HGD: variants seen among roughly 807,000 people sequenced by gnomAD.
HGD encodes the protein homogentisate 1,2-dioxygenase, also known as homogentisate oxidase.
Under a neutral mutation model 60.8 loss-of-function variants are expected in HGD, and 61 were observed. That is an observed-to-expected ratio of 1.00 (90% CI 0.82 to 1.24). The LOEUF (loss-of-function observed/expected upper bound fraction) is 1.24, where lower values mean the gene tolerates loss of function less well. HGD is among the 50% of genes most tolerant of loss of function. HGD has a pLI of 0.00. For missense variants in HGD, 542 were observed against 547.1 expected (o/e 0.99, Z 0.09); for synonymous variants, 212 against 187.7 (o/e 1.13, Z -1.06).
intron 4 of HGD, among the ~76,000 whole-genome samples, chr3:120,660,029 C>T (rs994119128): frequency 6.6e-6 from 1 of 152,104 alleles, no homozygotes; most frequent in Non-Finnish European, 1.5e-5. Flanking sequence ...AGTGAGTTCT[C>T]ATGAGATCTG....
chr3:120,642,972 C>T (rs557596671), intron 10 of HGD, among the ~76,000 whole-genome samples: 2 of 152,302 alleles, frequency 1.3e-5, no homozygotes, highest in African/African-American at 4.8e-5. Context: ...AAAGTGCAAA[C>T]CTTTCGGAGG....
chr3:120,645,123 G>A (rs1941119573), intron 9 of HGD, among the ~76,000 whole-genome samples: 3 of 152,126 alleles, frequency 2.0e-5, no homozygotes, highest in Admixed American at 2.0e-4. Flanking sequence ...CCAGCTCCTG[G>A]ACTTAAAAAA....
intron 1 of HGD, among the ~76,000 whole-genome samples, chr3:120,680,462 A>T (rs1483998037): frequency 6.6e-6 from 1 of 152,230 alleles, no homozygotes; most frequent in Non-Finnish European, 1.5e-5. Context: ...ATTTACATTG[A>T]TGTCCTGGTG....
chr3:120,674,972 G>A lies in HGD; in HGVS notation c.105C>T (p.Cys35=). The change falls in exon 3 of 14, where the codon TGC becomes TGT. Residue 35 remains cysteine (C), a synonymous_variant. Transcript: ENST00000283871. Reference sequence around the variant, plus strand: ...GCTGCTCAGCATAGAGATTGTAGGGGCAGACCTGAGGATTATTCTGAAACA... The same window carrying A: ...GCTGCTCAGCATAGAGATTGTAGGGACAGACCTGAGGATTATTCTGAAACA... ...LPEGQNNPQV[C]PYNLYAEQLS... is the part of the protein sequence containing the mutation. 6.2e-7 allele frequency: 1 copy of A among 1,610,330 alleles called. No individual in the cohort carries two copies. Among genetic ancestry groups the A allele is most frequent in the Non-Finnish European group, 8.5e-7 (1 of 1,176,898 alleles).
chr3:120,633,988 A>C (rs1940676634), intron 12 of HGD, among the ~76,000 whole-genome samples: 1 of 152,170 alleles, frequency 6.6e-6, no homozygotes, highest in South Asian at 2.1e-4. Flanking sequence ...GTTCTTCAGA[A>C]TGTCTTTTGG....
intron 3 of HGD, among the ~76,000 whole-genome samples, chr3:120,670,735 C>A (rs1003728389): frequency 6.6e-6 from 1 of 152,178 alleles, no homozygotes; most frequent in Admixed American, 6.5e-5. Flanking sequence ...CTCACTTTTT[C>A]ATTCCACCCA....
rs547086636 is a variant in HGD, at chr3:120,633,638, G to A, written c.1007-310C>T. On this transcript the variant is annotated intron_variant, in intron 12 of 13. Coordinates refer to ENST00000283871, the MANE Select transcript of HGD (RefSeq NM_000187.4). ...GAAGATAATAATAATTAAAATGCTAGTCATAATAGAGAGCGAATGTACTCT... is the reference window on the plus strand; with the variant it reads ...GAAGATAATAATAATTAAAATGCTAATCATAATAGAGAGCGAATGTACTCT... 7.7e-6 allele frequency: 10 copies of A among 1,303,856 alleles called. No individual in the cohort carries two copies. In the East Asian group the frequency reaches 1.4e-4, roughly 19 times the overall value. The allele number at this position is 1,303,856 out of a possible 1,614,324, so 80.8% of individuals were successfully genotyped here.
chr3:120,673,106 T>TG (rs1184865976), intron 3 of HGD, among the ~76,000 whole-genome samples: 1 of 152,140 alleles, frequency 6.6e-6, no homozygotes, highest in Non-Finnish European at 1.5e-5. Context: ...CTGGAGATTT[T>TG]GGGTGGGAAG....
intron 3 of HGD, 127 bp downstream of exon 3, chr3:120,674,774 A>G (rs1708090014): frequency 6.9e-6 from 5 of 723,502 alleles, no homozygotes; most frequent in Non-Finnish European, 1.3e-5. Flanking sequence ...CATGACCCAG[A>G]CCATAGCCTA....
At chr3:120,663,643 A>G (rs989563426) in intron 4 of HGD, among the ~76,000 whole-genome samples, 13 of 152,200 alleles carry the variant, frequency 8.5e-5, no homozygotes, top group African/African-American at 2.9e-4. Flanking sequence ...CCAGGGAAAA[A>G]AGGGGATTCA....
At chr3:120,652,438 C>T (rs1425692721) in intron 5 of HGD, among the ~76,000 whole-genome samples, 154 bp downstream of exon 5, 1 of 152,006 alleles carries the variant, frequency 6.6e-6, no homozygotes, top group Non-Finnish European at 1.5e-5. Flanking sequence ...AGTAAGACAT[C>T]CCTCCGCCAG....
chr3:120,658,879 G>A (rs1486515931), intron 4 of HGD, among the ~76,000 whole-genome samples: 1 of 152,362 alleles, frequency 6.6e-6, no homozygotes, highest in South Asian at 2.1e-4. Context: ...CTTTGAAGCG[G>A]TGCTTGGATC....
intron 13 of HGD, among the ~76,000 whole-genome samples, chr3:120,632,131 A>G (rs1940610580): frequency 6.6e-6 from 1 of 152,154 alleles, no homozygotes; most frequent in Admixed American, 6.5e-5. Flanking sequence ...AAGCAAGCAA[A>G]TGGGACTCTG....
intron 4 of HGD, among the ~76,000 whole-genome samples, chr3:120,663,927 T>C (rs907528150): frequency 1.6e-5 from 2 of 128,654 alleles, no homozygotes; most frequent in Middle Eastern, 4.0e-3. Flanking sequence ...TTATAGTAAA[T>C]ATATATGTAA....
intron 1 of HGD, among the ~76,000 whole-genome samples, chr3:120,678,835 G>A (rs1467496178): frequency 6.6e-6 from 1 of 152,232 alleles, no homozygotes; most frequent in Admixed American, 6.5e-5. Flanking sequence ...TAAGGAAGCA[G>A]TATTCACAGC....
At position 120,647,894 on chromosome 3, in the gene HGD, T is replaced by A. The variant is rs1270700792; in HGVS notation, c.452A>T (p.Asp151Val). The change falls in exon 7 of 14, where the codon GAT becomes GTT. Residue 151 changes from aspartate to valine, a missense_variant. Coordinates refer to ENST00000283871, the MANE Select transcript of HGD (RefSeq NM_000187.4). ...GAACTCACCAATCAAGAAGTCCCCA[T>A]CTGAATTGTAAAAGCATCTGAAACA... is the stretch of plus-strand genomic sequence containing the variant. ...SMENRCFYNS[D>V]GDFLIVPQKG... 6.2e-7 allele frequency: 1 copy of A among 1,612,144 alleles called. No homozygotes were observed. Among genetic ancestry groups the A allele is most frequent in the Non-Finnish European group, 8.5e-7 (1 of 1,178,244 alleles).
intron 4 of HGD, among the ~76,000 whole-genome samples, chr3:120,664,036 C>T (rs1435866985): frequency 3.9e-5 from 6 of 152,136 alleles, no homozygotes; most frequent in Non-Finnish European, 8.8e-5. Context: ...CCTATTCTCA[C>T]TGGAGTCCTT....
chr3:120,667,590 C>T (rs562790018), intron 4 of HGD, among the ~76,000 whole-genome samples: 72 of 151,810 alleles, frequency 4.7e-4, no homozygotes, highest in Non-Finnish European at 1.3e-4. Flanking sequence ...CCTCCCACCC[C>T]GAATAAAACT....
In HGD at chr3:120,647,046, T is replaced by C; in HGVS notation, c.476A>G (p.Gln159Arg). 1 of 1,613,962 alleles carries C rather than the reference T, an allele frequency of 6.2e-7. No individual in the cohort carries two copies. The highest frequency in any genetic ancestry group is 1.1e-5 in the South Asian group (1 of 91,090). Residue 159 changes from glutamine (Q) to arginine (R), a missense_variant, in exon 8 of 14, where the codon CAG (glutamine) becomes CGG (arginine). This residue lies in a region of HGD where 537 missense variants were observed against 529.1 expected (regional missense o/e 1.01). Transcript: ENST00000283871. ...NSDGDFLIVP[Q>R]KGNLLIYTEF... ...GGTGTAAATGAGAAGGTTCCCTTTC[T>C]GCGGAACTGACAAAAAAAGACAGGG...
Sources: gnomAD v4.1 joint callset for allele counts (sites outside exome capture counted in the v4.1 genomes callset) on GRCh38, gnomAD v4.1.1 for gene constraint, gnomAD v4.1.1 regional missense constraint, MANE v1.5 for transcripts, NCBI Gene and HGNC (gene_info 2026-07-23, HGNC 2026-07-21) for gene names.